FAM107B: variants seen among roughly 807,000 people sequenced by gnomAD.
FAM107B encodes family with sequence similarity 107 member B.
Under a neutral mutation model 31.5 loss-of-function variants are expected in FAM107B, and 21 were observed. That is an observed-to-expected ratio of 0.67 (90% CI 0.47 to 0.96). The LOEUF (loss-of-function observed/expected upper bound fraction) is 0.96. Ranked by LOEUF, FAM107B falls within the 40% of genes least tolerant of loss-of-function variation. The pLI is 0.00. For synonymous variants in FAM107B, 157 were observed against 141.5 expected (o/e 1.11, Z -0.78); for missense variants, 452 against 377.1 (o/e 1.20, Z -1.64).
chr10:14,637,343 T>C (rs1464939730), intron 2 of FAM107B, among the ~76,000 whole-genome samples: 3 of 152,018 alleles, frequency 2.0e-5, no homozygotes, highest in Admixed American at 6.5e-5. Flanking sequence ...CTCTAACCAA[T>C]AGAATATGAG....
At chr10:14,599,064 G>A (rs892842645) in intron 2 of FAM107B, among the ~76,000 whole-genome samples, 3 of 152,216 alleles carry the variant, frequency 2.0e-5, no homozygotes, top group Admixed American at 2.0e-4. Flanking sequence ...AGTCAGCACT[G>A]ACAACAGAAA....
At chr10:14,610,035 A>G (rs1588656987) in intron 2 of FAM107B, among the ~76,000 whole-genome samples, 1 of 152,332 alleles carries the variant, frequency 6.6e-6, no homozygotes, top group African/African-American at 2.4e-5. Context: ...TAGGGAAAGG[A>G]AAACGAAGTT....
Position 14,723,722 on chromosome 10 carries a change from T to C in FAM107B, c.411+50531A>G, listed in dbSNP as rs149774283. The C allele has an allele frequency of 4.3e-3, 3,290 of 757,534 alleles. 61 individuals carry two copies. The highest frequency in any genetic ancestry group is 0.027 in the East Asian group (1,125 of 40,954). The allele number at this position is 757,534 out of a possible 1,614,324, so 46.9% of individuals were successfully genotyped here. A position where few individuals can be genotyped will look rare whatever the true frequency, so the allele number is the denominator to read the frequency against. On this transcript the variant is annotated intron_variant, in intron 1 of 4. Coordinates refer to ENST00000181796, the MANE Select transcript of FAM107B (RefSeq NM_031453.4). ...CATGGCTCCCAGAAGGCTGCCTGGATCTGGTTAGTGAAGGTTCCAGGGGTG... is the reference window on the plus strand; with the variant it reads ...CATGGCTCCCAGAAGGCTGCCTGGACCTGGTTAGTGAAGGTTCCAGGGGTG...
intron 2 of FAM107B, among the ~76,000 whole-genome samples, chr10:14,598,677 G>A (rs1852265856): frequency 6.6e-6 from 1 of 152,208 alleles, no homozygotes; most frequent in Non-Finnish European, 1.5e-5. Context: ...TTAAAAATCT[G>A]TTAAGAAGGT....
At chr10:14,592,466 G>T (rs1481463787) in intron 2 of FAM107B, among the ~76,000 whole-genome samples, 1 of 152,180 alleles carries the variant, frequency 6.6e-6, no homozygotes, top group Non-Finnish European at 1.5e-5. Flanking sequence ...TGAAGTGAAA[G>T]GGGAGAAAAA....
intron 1 of FAM107B, among the ~76,000 whole-genome samples, chr10:14,727,644 G>A (rs1321214464): frequency 6.6e-6 from 1 of 152,202 alleles, no homozygotes; most frequent in Non-Finnish European, 1.5e-5. Context: ...TCTTCTTAGA[G>A]GTTCCCTATG....
chr10:14,579,071 AAC>A (rs531143552), intron 2 of FAM107B, among the ~76,000 whole-genome samples: 105 of 152,348 alleles, frequency 6.9e-4, no homozygotes, highest in Middle Eastern at 3.4e-3. Flanking sequence ...CCCGGTGACA[AAC>A]ACCTAGAAAA....
intron 2 of FAM107B, among the ~76,000 whole-genome samples, chr10:14,567,205 G>A (rs1435302986): frequency 6.6e-6 from 1 of 152,094 alleles, no homozygotes; most frequent in African/African-American, 2.4e-5. Flanking sequence ...GGGAGAGAAT[G>A]GTGGTGCAGA....
intron 1 of FAM107B, among the ~76,000 whole-genome samples, chr10:14,752,100 T>C (rs1242023419): frequency 1.3e-5 from 2 of 152,194 alleles, no homozygotes; most frequent in Non-Finnish European, 2.9e-5. Context: ...CCCAGCCTGT[T>C]GGTTTCCCAA....
At chr10:14,590,613 T>C (rs1008277987) in intron 2 of FAM107B, among the ~76,000 whole-genome samples, 1 of 152,206 alleles carries the variant, frequency 6.6e-6, no homozygotes, top group Non-Finnish European at 1.5e-5. Flanking sequence ...TCTCAATTTC[T>C]TCCTAACAGA....
intron 1 of FAM107B, among the ~76,000 whole-genome samples, chr10:14,686,609 G>A (rs1006282382): frequency 3.3e-5 from 5 of 152,164 alleles, no homozygotes; most frequent in African/African-American, 4.8e-5. Context: ...ACTCAGTAGC[G>A]AATATTTTTG....
chr10:14,643,897 G>T (rs1853691476), intron 2 of FAM107B, among the ~76,000 whole-genome samples: 1 of 152,150 alleles, frequency 6.6e-6, no homozygotes, highest in African/African-American at 2.4e-5. Flanking sequence ...ACAACTGCAG[G>T]CTTCTGGGAA....
intron 2 of FAM107B, chr10:14,553,203 G>A (rs1849415435): frequency 3.2e-6 from 1 of 315,260 alleles, no homozygotes; most frequent in South Asian, 3.6e-5. Context: ...ATGAGGGAGA[G>A]AATACAAATT....
At chr10:14,711,908 T>A (rs1855656247) in intron 1 of FAM107B, among the ~76,000 whole-genome samples, 1 of 152,192 alleles carries the variant, frequency 6.6e-6, no homozygotes, top group African/African-American at 2.4e-5. Context: ...CCTCCCAAAG[T>A]GCTGGGATTA....
chr10:14,561,861 T>A lies in FAM107B; in HGVS notation c.470-31346A>T, dbSNP rs112233763. Among the ~76,000 whole-genome samples the A allele has an allele frequency of 2.4e-3, 369 of 152,324 alleles. 1 individual carries two copies. The highest frequency in any genetic ancestry group is 7.9e-3 in the African/African-American group (329 of 41,576). ...GTGCAGTGGCATGACCTTGGCTTAC[T>A]GCAACCTCCGCCTCCAGGGTTCAAG... On this transcript the variant is annotated intron_variant, in intron 2 of 4. Transcript: ENST00000181796.
chr10:14,525,635 T>C (rs908745929), intron 3 of FAM107B, among the ~76,000 whole-genome samples: 1 of 152,222 alleles, frequency 6.6e-6, no homozygotes, highest in Non-Finnish European at 1.5e-5. Flanking sequence ...ATACTTTCTA[T>C]ACCCATATAA....
chr10:14,584,969 G>T lies in FAM107B; in HGVS notation c.470-54454C>A, dbSNP rs77171160. ...AGATGTTGGCACAGGGTGTAACTTT[G>T]TAACTTCGCTTCAGCCTCTGATTGC... On this transcript the variant is annotated intron_variant, in intron 2 of 4. Transcript: ENST00000181796. Among the ~76,000 whole-genome samples the T allele has an allele frequency of 7.7e-3, 1,168 of 152,262 alleles. 22 individuals are homozygous for T. Among genetic ancestry groups the T allele is most frequent in the African/African-American group, 0.026 (1,094 of 41,546 alleles).
chr10:14,557,950 G>C (rs974282672), intron 2 of FAM107B, among the ~76,000 whole-genome samples: 1 of 152,262 alleles, frequency 6.6e-6, no homozygotes. Flanking sequence ...ATGAGGTAAA[G>C]CTGTCTCTTC....
Position 14,532,710 on chromosome 10 carries a change from T to C in FAM107B, c.470-2195A>G, listed in dbSNP as rs148922559. ...ACATACACCTCTGCTCAGCCACAAG[T>C]GTCTGAAAAATCAACTGCAGTTTCC... On this transcript the variant is annotated intron_variant, in intron 2 of 4. Coordinates refer to ENST00000181796, the MANE Select transcript of FAM107B (RefSeq NM_031453.4). 3.9e-5 allele frequency: 6 copies of C among 152,370 alleles called. No homozygotes were observed. The East Asian group carries it at 1.2e-3, about 29-fold the overall frequency. 9.4% of individuals were successfully genotyped at this position (152,370 alleles called of 1,614,324 possible).
Sources: allele counts gnomAD v4.1 joint callset (sites outside exome capture counted in the v4.1 genomes callset), GRCh38; gene constraint gnomAD v4.1.1; transcripts MANE v1.5; gene names NCBI Gene and HGNC (gene_info 2026-07-23, HGNC 2026-07-21).